EIF4G3: variants seen among roughly 807,000 people sequenced by gnomAD.
EIF4G3 encodes eukaryotic translation initiation factor 4 gamma 3.
In EIF4G3, 34 loss-of-function variants were observed where a neutral mutation model predicts 186.4. The ratio of observed to expected loss-of-function variants is 0.18; its 90% CI spans 0.14 to 0.24. The LOEUF (loss-of-function observed/expected upper bound fraction) is 0.24. Ranked by LOEUF, EIF4G3 falls within the 10% of genes least tolerant of loss-of-function variation. The pLI, the probability that EIF4G3 is intolerant of heterozygous loss-of-function variation, is 1.00. For synonymous variants in EIF4G3, 673 were observed against 679.5 expected (o/e 0.99, Z 0.15); for missense variants, 1,536 against 1,948.5 (o/e 0.79, Z 3.99).
chr1:20,851,525 C>T (rs1278119092), intron 27 of EIF4G3, 47 bp from the exon 28 acceptor site: 2 of 1,553,578 alleles, frequency 1.3e-6, no homozygotes, highest in Admixed American at 3.4e-5. Flanking sequence ...AAGCCCATGT[C>T]CCCCACATAT....
chr1:20,849,300 T>A, intron 29 of EIF4G3, 115 bp downstream of exon 29: 1 of 505,646 alleles, frequency 2.0e-6, no homozygotes, highest in Non-Finnish European at 3.5e-6. Context: ...AGGACTTGTA[T>A]TACTCAACCT....
intron 34 of EIF4G3, among the ~76,000 whole-genome samples, chr1:20,816,155 C>G (rs1430354913): frequency 8.0e-6 from 1 of 124,364 alleles, no homozygotes; most frequent in African/African-American, 3.1e-5. Context: ...AGGGGCGCCT[C>G]TGCCCGGCCG....
chr1:21,166,469 A>G (rs2097857182), intron 2 of EIF4G3, among the ~76,000 whole-genome samples: 1 of 152,084 alleles, frequency 6.6e-6, no homozygotes, highest in Non-Finnish European at 1.5e-5. Context: ...TCACGCCTGT[A>G]ATCCCAACAC....
At chr1:20,825,335 G>A (rs1389037392) in intron 32 of EIF4G3, 137 bp from the exon 33 acceptor site, 4 of 636,698 alleles carry the variant, frequency 6.3e-6, no homozygotes, top group Admixed American at 3.0e-5. Flanking sequence ...TTCCAGCAGG[G>A]CATGGTGGTG....
At chr1:21,024,757 A>G (rs2091780746) in intron 4 of EIF4G3, among the ~76,000 whole-genome samples, 1 of 149,284 alleles carries the variant, frequency 6.7e-6, no homozygotes, top group South Asian at 2.1e-4. Flanking sequence ...ACACTGCAGA[A>G]GGCCGCAGGG....
chr1:21,130,217 T>TC (rs1491495855), intron 2 of EIF4G3, among the ~76,000 whole-genome samples: 1 of 32,616 alleles, frequency 3.1e-5, no homozygotes, highest in Admixed American at 4.2e-4. Context: ...ACCCCATCTC[T>TC]TTTTTTTTTT....
chr1:21,031,468 G>A (rs754856835), intron 4 of EIF4G3, among the ~76,000 whole-genome samples: 5 of 151,328 alleles, frequency 3.3e-5, no homozygotes, highest in African/African-American at 7.3e-5. Flanking sequence ...TACAGAAAGC[G>A]GTGAAGGGCC....
At chr1:21,023,298 C>T (rs1420449798) in intron 4 of EIF4G3, among the ~76,000 whole-genome samples, 2 of 141,084 alleles carry the variant, frequency 1.4e-5, no homozygotes, top group African/African-American at 5.2e-5. Flanking sequence ...CCTCTCTTTC[C>T]ACGTCTCCCT....
chr1:20,884,866 T>C (rs1572190374), intron 19 of EIF4G3, among the ~76,000 whole-genome samples: 1 of 152,214 alleles, frequency 6.6e-6, no homozygotes, highest in Non-Finnish European at 1.5e-5. Context: ...CCTCAACCTT[T>C]TGGCACTAGG....
intron 3 of EIF4G3, among the ~76,000 whole-genome samples, chr1:21,062,011 T>C (rs1016881727): frequency 2.0e-5 from 3 of 151,956 alleles, no homozygotes; most frequent in African/African-American, 7.3e-5. Context: ...ACTCCCAAAG[T>C]GCTGAGATTA....
At chr1:21,145,374 T>C (rs1265803509) in intron 2 of EIF4G3, among the ~76,000 whole-genome samples, 1 of 151,448 alleles carries the variant, frequency 6.6e-6, no homozygotes, top group East Asian at 1.9e-4. Flanking sequence ...TTTTGCTCTA[T>C]CTTCTAAAAC....
chr1:20,990,942 A>C (rs1399909434), intron 7 of EIF4G3, among the ~76,000 whole-genome samples: 2 of 152,222 alleles, frequency 1.3e-5, no homozygotes, highest in Non-Finnish European at 2.9e-5. Flanking sequence ...AAGATGAAAA[A>C]CTAACATCTG....
At chr1:21,114,944 C>T (rs1402701791) in intron 2 of EIF4G3, among the ~76,000 whole-genome samples, 1 of 152,186 alleles carries the variant, frequency 6.6e-6, no homozygotes, top group African/African-American at 2.4e-5. Context: ...AAAAGGAACA[C>T]TTAAGGCCAG....
chr1:20,911,718 T>C (rs1468753858), intron 14 of EIF4G3, among the ~76,000 whole-genome samples: 1 of 151,674 alleles, frequency 6.6e-6, no homozygotes, highest in Non-Finnish European at 1.5e-5. Context: ...CTTTACTAAC[T>C]TATTTATTAA....
At chr1:20,853,303 G>A (rs1417434668) in intron 27 of EIF4G3, among the ~76,000 whole-genome samples, 2 of 152,146 alleles carry the variant, frequency 1.3e-5, no homozygotes, top group Non-Finnish European at 2.9e-5. Flanking sequence ...AGCTTGCGGA[G>A]CCCCTAGACA....
intron 4 of EIF4G3, among the ~76,000 whole-genome samples, chr1:21,029,550 A>G (rs2092543009): frequency 1.3e-5 from 2 of 152,042 alleles, no homozygotes; most frequent in Admixed American, 6.5e-5. Flanking sequence ...CAGAAGGATC[A>G]CTTGAAGCCA....
intron 6 of EIF4G3, chr1:20,999,731 G>A (rs76317727): frequency 2.2e-6 from 1 of 454,568 alleles, no homozygotes; most frequent in African/African-American, 2.0e-5. Context: ...ATTGGCTATT[G>A]AGTTTTTCAT....
At chr1:21,028,561 G>T (rs2092414011) in intron 4 of EIF4G3, among the ~76,000 whole-genome samples, 1 of 152,202 alleles carries the variant, frequency 6.6e-6, no homozygotes, top group Non-Finnish European at 1.5e-5. Flanking sequence ...GTGGTTGGTT[G>T]TGTTATGATT....
intron 19 of EIF4G3, among the ~76,000 whole-genome samples, chr1:20,883,117 C>G (rs993585272): frequency 2.6e-5 from 4 of 151,684 alleles, no homozygotes; most frequent in African/African-American, 9.7e-5. Flanking sequence ...AACTAAATAT[C>G]TAGTTGATGT....
Sources: allele counts gnomAD v4.1 joint callset (sites outside exome capture counted in the v4.1 genomes callset), GRCh38; gene constraint gnomAD v4.1.1; transcripts MANE v1.5; gene names NCBI Gene and HGNC (gene_info 2026-07-23, HGNC 2026-07-21).